The following SPMIP9 variants were observed in gnomAD, a reference collection of about 807,000 sequenced individuals.
SPMIP9 encodes sperm microtubule inner protein 9.
chr2:88,529,070 C>T, the SPMIP9 span: 5 of 1,612,482 alleles, frequency 3.1e-6, no homozygotes, highest in South Asian at 1.1e-5. Flanking sequence ...GCTCGATGCT[C>T]AACTCCGGGA....
At chr2:88,529,273 C>A in the SPMIP9 span, 1 of 1,614,020 alleles carries the variant, frequency 6.2e-7, no homozygotes, top group South Asian at 1.1e-5. Flanking sequence ...CAGCTTCCCA[C>A]GATCTGCACC....
At chr2:88,528,611 C>T in the SPMIP9 span, among the ~76,000 whole-genome samples, 1 of 152,090 alleles carries the variant, frequency 6.6e-6, no homozygotes, top group Non-Finnish European at 1.5e-5. Context: ...AATCTTCTCC[C>T]GTCCTGAGGT....
chr2:88,528,545 T>C, the SPMIP9 span, among the ~76,000 whole-genome samples: 2 of 152,242 alleles, frequency 1.3e-5, no homozygotes, highest in African/African-American at 4.8e-5. Flanking sequence ...ATTGTTAATA[T>C]AGTTAGATTT....
At chr2:88,527,373 A>G in the SPMIP9 span, among the ~76,000 whole-genome samples, 1 of 152,142 alleles carries the variant, frequency 6.6e-6, no homozygotes, top group East Asian at 1.9e-4. Context: ...GCACGCTTGT[A>G]TTTTCAGCTG....
chr2:88,524,678 G>T, the SPMIP9 span: 1 of 152,452 alleles, frequency 6.6e-6, no homozygotes, highest in African/African-American at 2.4e-5. Flanking sequence ...TGTGGCAAGG[G>T]CACCTGGAGG....
At chr2:88,527,203 C>T in the SPMIP9 span, among the ~76,000 whole-genome samples, 1 of 152,028 alleles carries the variant, frequency 6.6e-6, no homozygotes, top group African/African-American at 2.4e-5. Context: ...CACAGTGGCT[C>T]ACACCTGGAA....
At chr2:88,525,755 T>C in the SPMIP9 span, 3 of 1,390,776 alleles carry the variant, frequency 2.2e-6, no homozygotes, top group African/African-American at 2.9e-5. Flanking sequence ...AGGCTCTTTC[T>C]AGAAGCTCAT....
At chr2:88,525,778 A>T in the SPMIP9 span, 3 of 1,149,722 alleles carry the variant, frequency 2.6e-6, no homozygotes, top group Non-Finnish European at 3.8e-6. Flanking sequence ...TTCTGTAATG[A>T]TAGTTTTGGG....
the SPMIP9 span, chr2:88,525,496 C>T: frequency 2.3e-3 from 1,996 of 853,288 alleles, 3 homozygotes; most frequent in Non-Finnish European, 2.9e-3. Context: ...GAGTGACATG[C>T]AGGGTAGGAG....
At chr2:88,526,308 T>C in the SPMIP9 span, 1 of 915,230 alleles carries the variant, frequency 1.1e-6, no homozygotes. Flanking sequence ...GGCCCCAAAG[T>C]CGGCCTTTGT....
chr2:88,524,882 C>T, the SPMIP9 span: 4 of 152,344 alleles, frequency 2.6e-5, no homozygotes, highest in Non-Finnish European at 4.4e-5. Context: ...GGAGGGTTCC[C>T]TGGGAATGCA....
the SPMIP9 span, among the ~76,000 whole-genome samples, chr2:88,527,080 C>G: frequency 6.6e-6 from 1 of 151,930 alleles, no homozygotes; most frequent in East Asian, 1.9e-4. Context: ...CATTACAGAC[C>G]GCTTAAAACA....
the SPMIP9 span, chr2:88,529,131 G>T: frequency 6.8e-6 from 11 of 1,614,098 alleles, no homozygotes; most frequent in Non-Finnish European, 8.5e-6. Context: ...CTAACAGATG[G>T]GTACCCTGCT....
chr2:88,529,200 A>G, the SPMIP9 span: 7 of 1,614,172 alleles, frequency 4.3e-6, no homozygotes, highest in Non-Finnish European at 5.9e-6. Context: ...TTCCCATCAC[A>G]GGAACATGAG....
At chr2:88,527,553 C>T in the SPMIP9 span, among the ~76,000 whole-genome samples, 1 of 152,000 alleles carries the variant, frequency 6.6e-6, no homozygotes, top group African/African-American at 2.4e-5. Context: ...GGATTTGTAC[C>T]CTTCCACAAT....
chr2:88,525,607 C>A, the SPMIP9 span: 4 of 1,613,750 alleles, frequency 2.5e-6, no homozygotes, highest in Admixed American at 5.0e-5. Flanking sequence ...TGTGGCAGAG[C>A]AGGGCTAAAC....
the SPMIP9 span, among the ~76,000 whole-genome samples, chr2:88,524,954 C>G: frequency 1.3e-5 from 2 of 152,110 alleles, no homozygotes; most frequent in Non-Finnish European, 2.9e-5. Flanking sequence ...GCGAGGCCCT[C>G]GCTAGGACTT....
chr2:88,529,230 G>GC, the SPMIP9 span: 1 of 1,614,128 alleles, frequency 6.2e-7, no homozygotes, highest in South Asian at 1.1e-5. Context: ...GAGGACGAGC[G>GC]CAAGTTCACC....
At chr2:88,528,100 A>T in the SPMIP9 span, among the ~76,000 whole-genome samples, 5 of 146,964 alleles carry the variant, frequency 3.4e-5, no homozygotes, top group East Asian at 7.9e-4. Flanking sequence ...TTTCTTATTA[A>T]TTTGTAGACG....
Sources: gnomAD v4.1 joint callset for allele counts (sites outside exome capture counted in the v4.1 genomes callset) on GRCh38, gnomAD v4.1.1 for gene constraint, MANE v1.5 for transcripts, NCBI Gene and HGNC (gene_info 2026-07-23, HGNC 2026-07-21) for gene names.